Variants in MAGI1 observed in about 807,000 individuals in gnomAD.
MAGI1 encodes membrane associated guanylate kinase, WW and PDZ domain containing 1.
Under a neutral mutation model 139.9 loss-of-function variants are expected in MAGI1, and 58 were observed. That is an observed-to-expected ratio of 0.41 (90% CI 0.34 to 0.52). The LOEUF is 0.52. Ranked by LOEUF, MAGI1 falls within the 20% of genes least tolerant of loss-of-function variation. MAGI1 has a pLI of 0.12. For missense variants in MAGI1, 1,874 were observed against 1,901.6 expected (o/e 0.99, Z 0.27); for synonymous variants, 812 against 737.9 (o/e 1.10, Z -1.63).
chr3:65,969,789 C>T (rs1199043104), intron 1 of MAGI1, among the ~76,000 whole-genome samples: 2 of 152,172 alleles, frequency 1.3e-5, no homozygotes, highest in Admixed American at 6.5e-5. Context: ...TGAAATACAG[C>T]TCCTATTATC....
At position 65,359,636 on chromosome 3, in the gene MAGI1, C is replaced by A. The variant is rs1244463322; in HGVS notation, c.3634+1563G>T. On this transcript the variant is annotated intron_variant, in intron 22 of 22. Transcript: ENST00000402939. The stretch of plus-strand genomic sequence containing the variant: ...AATATTGGAACTTAACATATTATAA[C>A]CCATTTGTGACTCTAATCAATGGAA... The A allele has an allele frequency of 4.0e-6, 4 of 990,694 alleles. No homozygotes were observed. In the African/African-American group the frequency reaches 7.0e-5, roughly 17 times the overall value. 61.4% of individuals were successfully genotyped at this position (990,694 alleles called of 1,614,324 possible). A position where few individuals can be genotyped will look rare whatever the true frequency, so the allele number is the denominator to read the frequency against.
intron 1 of MAGI1, among the ~76,000 whole-genome samples, chr3:66,009,403 G>A (rs965591545): frequency 4.6e-5 from 7 of 152,056 alleles, no homozygotes; most frequent in African/African-American, 1.4e-4. Flanking sequence ...CCAGCTACCC[G>A]GGAGGCTGAG....
chr3:65,825,965 C>A (rs866195004), intron 1 of MAGI1, among the ~76,000 whole-genome samples: 2 of 151,818 alleles, frequency 1.3e-5, no homozygotes, highest in African/African-American at 2.4e-5. Flanking sequence ...CCAGCCTGGG[C>A]GACAGAGCAA....
chr3:65,976,918 C>A (rs1414035292), intron 1 of MAGI1, among the ~76,000 whole-genome samples: 1 of 152,132 alleles, frequency 6.6e-6, no homozygotes, highest in African/African-American at 2.4e-5. Flanking sequence ...TAGAAGGCAT[C>A]CTCAAATGAC....
intron 1 of MAGI1, among the ~76,000 whole-genome samples, chr3:65,744,697 G>GT (rs35909521): frequency 0.15 from 22,801 of 151,408 alleles, 1,992 homozygotes; most frequent in Non-Finnish European, 0.21. Flanking sequence ...TTTGTTTTCT[G>GT]TTTTTTTTAA....
At chr3:65,648,297 G>T (rs931801191) in intron 1 of MAGI1, among the ~76,000 whole-genome samples, 1 of 148,618 alleles carries the variant, frequency 6.7e-6, no homozygotes, top group Non-Finnish European at 1.5e-5. Context: ...GGCCGTGTGT[G>T]TGTGTGTGTG....
intron 2 of MAGI1, among the ~76,000 whole-genome samples, chr3:65,539,818 A>G (rs960827749): frequency 3.3e-5 from 5 of 152,200 alleles, no homozygotes; most frequent in Non-Finnish European, 7.3e-5. Context: ...ACCTTTCACC[A>G]CAGTAGTTTT....
intron 1 of MAGI1, among the ~76,000 whole-genome samples, chr3:65,933,306 T>C (rs527407601): frequency 6.6e-6 from 1 of 152,298 alleles, no homozygotes; most frequent in Admixed American, 6.5e-5. Flanking sequence ...AATCAAAATA[T>C]TGGTCAGGGC....
intron 1 of MAGI1, among the ~76,000 whole-genome samples, chr3:65,901,845 G>A (rs908191897): frequency 9.9e-5 from 15 of 152,014 alleles, no homozygotes; most frequent in African/African-American, 3.4e-4. Context: ...TATCCCACAG[G>A]GTTCCAATAA....
At chr3:65,770,879 G>C (rs531870923) in intron 1 of MAGI1, among the ~76,000 whole-genome samples, 149 of 152,058 alleles carry the variant, frequency 9.8e-4, no homozygotes, top group Non-Finnish European at 1.8e-3. Flanking sequence ...TTTTAGTAGA[G>C]ACGGGGTTTT....
chr3:65,714,690 C>A (rs1179689066), intron 1 of MAGI1, among the ~76,000 whole-genome samples: 8 of 151,992 alleles, frequency 5.3e-5, no homozygotes, highest in Admixed American at 5.2e-4. Flanking sequence ...CATCAGTGAG[C>A]CTCAATTTAG....
At chr3:65,935,096 G>A (rs1042986674) in intron 1 of MAGI1, among the ~76,000 whole-genome samples, 1 of 152,080 alleles carries the variant, frequency 6.6e-6, no homozygotes, top group Non-Finnish European at 1.5e-5. Flanking sequence ...CCAAATCTAG[G>A]GTGTTTGGAA....
At chr3:65,793,663 G>A (rs183215647) in intron 1 of MAGI1, among the ~76,000 whole-genome samples, 1 of 152,024 alleles carries the variant, frequency 6.6e-6, no homozygotes, top group Admixed American at 6.5e-5. Flanking sequence ...GAAAATGCCT[G>A]CAACTGCTGG....
intron 2 of MAGI1, among the ~76,000 whole-genome samples, chr3:65,579,046 T>C (rs769752233): frequency 1.8e-4 from 28 of 151,904 alleles, no homozygotes; most frequent in Non-Finnish European, 3.5e-4. Context: ...ATACAAAACA[T>C]AGACTTGGCA....
intron 1 of MAGI1, among the ~76,000 whole-genome samples, chr3:65,762,921 C>T (rs2037153829): frequency 6.6e-6 from 1 of 152,162 alleles, no homozygotes; most frequent in African/African-American, 2.4e-5. Context: ...GCAGGCACAA[C>T]TTTATATACA....
At chr3:65,609,570 G>A (rs961633615) in intron 2 of MAGI1, among the ~76,000 whole-genome samples, 1 of 151,534 alleles carries the variant, frequency 6.6e-6, no homozygotes, top group African/African-American at 2.4e-5. Context: ...CGAGCCACCG[G>A]GTTTTTTTTG....
chr3:65,500,906 T>A (rs912280617), intron 2 of MAGI1, among the ~76,000 whole-genome samples: 1 of 152,246 alleles, frequency 6.6e-6, no homozygotes, highest in Non-Finnish European at 1.5e-5. Context: ...ATCATTTTCC[T>A]ATTCTAACAC....
chr3:65,389,767 C>A (rs943050979), intron 14 of MAGI1, among the ~76,000 whole-genome samples: 2 of 152,192 alleles, frequency 1.3e-5, no homozygotes, highest in Non-Finnish European at 2.9e-5. Context: ...AAATAAGTCC[C>A]TGCTCAAATT....
intron 1 of MAGI1, among the ~76,000 whole-genome samples, chr3:65,907,854 T>C (rs144405366): frequency 2.1e-3 from 318 of 152,302 alleles, no homozygotes; most frequent in African/African-American, 7.4e-3. Flanking sequence ...AACATTCTTG[T>C]TCCCAGTATC....
Sources: gnomAD v4.1 joint callset for allele counts (sites outside exome capture counted in the v4.1 genomes callset) on GRCh38, gnomAD v4.1.1 for gene constraint, MANE v1.5 for transcripts, NCBI Gene and HGNC (gene_info 2026-07-23, HGNC 2026-07-21) for gene names.